The following HMCN1 variants were observed in gnomAD, a reference collection of about 807,000 sequenced individuals.
HMCN1 encodes the protein hemicentin-1.
HMCN1 carries 321 observed loss-of-function variants against 625.9 expected under a neutral mutation model. That is an observed-to-expected ratio of 0.51 (90% confidence interval 0.47 to 0.56). The LOEUF (loss-of-function observed/expected upper bound fraction) is 0.56. Among genes scored for constraint, HMCN1 ranks in the 20% least tolerant of loss-of-function variants. The pLI, the probability that HMCN1 is intolerant of heterozygous loss-of-function variation, is 0.00. For missense variants in HMCN1, 6,588 were observed against 6,887.3 expected (o/e 0.96, Z 1.54); for synonymous variants, 2,425 against 2,417.6 (o/e 1.00, Z -0.09).
At chr1:186,062,430 C>T in intron 47 of HMCN1, 84 bp from the exon 48 acceptor site, 1 of 812,330 alleles carries the variant, frequency 1.2e-6, no homozygotes, top group Non-Finnish European at 2.1e-6. Context: ...AAGGTTATAG[C>T]TTAATAAAAC....
chr1:185,816,452 C>T (rs1158452780), intron 1 of HMCN1, among the ~76,000 whole-genome samples: 1 of 152,072 alleles, frequency 6.6e-6, no homozygotes, highest in African/African-American at 2.4e-5. Flanking sequence ...TTGTGATTTC[C>T]CAATGTATAT....
chr1:185,882,511 T>C lies in HMCN1; in HGVS notation c.621+16648T>C, dbSNP rs114215224. On this transcript the variant is annotated intron_variant, in intron 4 of 106. Transcript: ENST00000271588. ...ACCATTTGATTTGACAAAAGTATCC[T>C]GTTTTTTTAAAAAAGTTTGAAAAAC... Among the ~76,000 whole-genome samples, 642 of 152,202 alleles carry C rather than the reference T, an allele frequency of 4.2e-3. 5 individuals carry two copies. Among genetic ancestry groups the C allele is most frequent in the African/African-American group, 0.015 (610 of 41,560 alleles).
intron 15 of HMCN1, among the ~76,000 whole-genome samples, chr1:185,970,860 A>T (rs919592858): frequency 6.6e-6 from 1 of 151,806 alleles, no homozygotes. Context: ...GGGTTTCACC[A>T]TGTTGGCCAG....
chr1:185,982,889 TAATAA>T (rs1651750369), intron 18 of HMCN1, among the ~76,000 whole-genome samples: 1 of 152,292 alleles, frequency 6.6e-6, no homozygotes, highest in South Asian at 2.1e-4. Context: ...ATTTTGGCAT[TAATAA>T]AATGGAGAAA....
At chr1:185,959,014 G>T (rs907517754) in intron 11 of HMCN1, among the ~76,000 whole-genome samples, 1 of 152,168 alleles carries the variant, frequency 6.6e-6, no homozygotes, top group African/African-American at 2.4e-5. Context: ...AAGGCATAAA[G>T]TGTCTGAAAC....
At chr1:186,067,789 CA>C in intron 49 of HMCN1, 44 bp from the exon 50 acceptor site, 3 of 1,352,564 alleles carry the variant, frequency 2.2e-6, no homozygotes, top group Non-Finnish European at 3.2e-6. Context: ...CACAAATATA[CA>C]AATTTCTACA....
intron 18 of HMCN1, among the ~76,000 whole-genome samples, chr1:185,983,224 T>A (rs886499948): frequency 6.6e-6 from 1 of 152,144 alleles, no homozygotes; most frequent in African/African-American, 2.4e-5. Context: ...ATGAAATTTT[T>A]TCTGTAAATA....
chr1:185,830,458 T>G (rs2102287852), intron 1 of HMCN1, among the ~76,000 whole-genome samples: 1 of 152,214 alleles, frequency 6.6e-6, no homozygotes, highest in East Asian at 1.9e-4. Flanking sequence ...ATTTCAGTTT[T>G]CTGCATATGG....
Position 186,061,978 on chromosome 1 carries a change from T to C in HMCN1, c.7426+14T>C. ...TTTCAGTATTAGGTACTTATATAGTTTGCAATATCTAGAAGAAACTTAAAT... is the reference window on the plus strand; with the variant it reads ...TTTCAGTATTAGGTACTTATATAGTCTGCAATATCTAGAAGAAACTTAAAT... On this transcript the variant is annotated intron_variant, in intron 47 of 106. Coordinates refer to ENST00000271588, the MANE Select transcript of HMCN1 (RefSeq NM_031935.3). 6.7e-7 allele frequency: 1 copy of C among 1,499,202 alleles called. No individual in the cohort carries two copies. Among genetic ancestry groups the C allele is most frequent in the South Asian group, 1.1e-5 (1 of 88,036 alleles). The allele number at this position is 1,499,202 out of a possible 1,614,324, so 92.9% of individuals were successfully genotyped here. A position where few individuals can be genotyped will look rare whatever the true frequency, so the allele number is the denominator to read the frequency against.
rs753104061 is a variant in HMCN1 at position 186,171,996 on chromosome 1, T to C, written c.15689-10T>C. 1.2e-5 allele frequency: 20 copies of C among 1,612,790 alleles called. No individual in the cohort carries two copies. Among genetic ancestry groups the C allele is most frequent in the Middle Eastern group, 1.6e-4 (1 of 6,080 alleles). On this transcript the variant is annotated splice_polypyrimidine_tract_variant and intron_variant, in intron 101 of 106. Coordinates refer to ENST00000271588, the MANE Select transcript of HMCN1 (RefSeq NM_031935.3). ...TTCTTAATCTACATTACCTTTGTTCTTTTATCAAGATGTGAACGAGTGTAG... is the reference window on the plus strand; with the variant it reads ...TTCTTAATCTACATTACCTTTGTTCCTTTATCAAGATGTGAACGAGTGTAG...
intron 4 of HMCN1, among the ~76,000 whole-genome samples, chr1:185,893,451 T>C (rs2102417269): frequency 6.6e-6 from 1 of 152,312 alleles, no homozygotes; most frequent in Middle Eastern, 3.4e-3. Flanking sequence ...CATTTTAAAA[T>C]TTATGGTGTT....
intron 55 of HMCN1, 125 bp from the exon 56 acceptor site, chr1:186,081,082 A>G: frequency 8.6e-6 from 7 of 812,178 alleles, no homozygotes; most frequent in South Asian, 2.7e-5. Flanking sequence ...TGGGGATCAT[A>G]TAGTTTCTCC....
Position 186,178,737 on chromosome 1 carries a change from G to T in HMCN1, c.16265G>T (p.Gly5422Val), listed in dbSNP as rs764900660. The T allele has an allele frequency of 5.0e-6, 8 of 1,613,386 alleles. No homozygotes were observed. The highest frequency in any genetic ancestry group is 6.8e-6 in the Non-Finnish European group (8 of 1,179,350). The change falls in exon 104 of 107, where the codon GGC (glycine) becomes GTC (valine). Residue 5422 changes from glycine (G) to valine (V), a missense_variant. Coordinates refer to ENST00000271588, the MANE Select transcript of HMCN1 (RefSeq NM_031935.3). ...RRTIRKTCPE[G>V]SEASHDTCVD... ...ACTATTAGGAAAACTTGCCCTGAAG[G>T]CTCTGAGGCAAGCCATGACACATGT...
At chr1:186,171,213 T>C in intron 100 of HMCN1, 124 bp from the exon 101 acceptor site, 1 of 729,422 alleles carries the variant, frequency 1.4e-6, no homozygotes. Context: ...GAGTGCAATA[T>C]ATTGGATAGG....
In HMCN1 at chr1:186,074,863, T is replaced by G. The variant is rs997860023; in HGVS notation, c.8262T>G (p.Asp2754Glu). 3.1e-6 allele frequency: 5 copies of G among 1,612,884 alleles called. No homozygotes were observed. Among genetic ancestry groups the G allele is most frequent in the Non-Finnish European group, 4.2e-6 (5 of 1,179,132 alleles). The change falls in exon 53 of 107, where the codon GAT (aspartate) becomes GAG (glutamate). Residue 2754 changes from aspartate to glutamate, a missense_variant. By Grantham distance (45) the Asp-to-Glu change is conservative. Coordinates refer to ENST00000271588, the MANE Select transcript of HMCN1 (RefSeq NM_031935.3). ...TAGCATCTAACATTGCAGGTGAAGA[T>G]GAGTTGGATTTTGATGTGAATATTC... ...TCVASNIAGE[D>E]ELDFDVNIQV...
chr1:185,942,678 C>G (rs939777384), intron 11 of HMCN1, among the ~76,000 whole-genome samples: 8 of 152,116 alleles, frequency 5.3e-5, no homozygotes, highest in Admixed American at 2.6e-4. Flanking sequence ...CTCCAACTCT[C>G]TAGGCCCCAA....
rs1161124314 is a variant in HMCN1 at position 185,993,258 on chromosome 1, G to C, written c.3454G>C (p.Ala1152Pro). ...TSDSGMYLCV[A>P]TNIAGNVTQA... is the part of the protein sequence containing the mutation. ...AGATAGTGGGATGTATCTTTGTGTT[G>C]CCACAAATATTGCTGGGAATGTGAC... The change falls in exon 23 of 107, where the codon GCC (alanine) becomes CCC (proline). Residue 1152 changes from alanine (A) to proline (P), a missense_variant. By Grantham distance (27) the Ala-to-Pro change is conservative (BLOSUM62 -1). Transcript: ENST00000271588. 1.2e-6 allele frequency: 2 copies of C among 1,612,888 alleles called. No individual in the cohort carries two copies. Among genetic ancestry groups the C allele is most frequent in the Non-Finnish European group, 1.7e-6 (2 of 1,179,020 alleles).
intron 54 of HMCN1, among the ~76,000 whole-genome samples, chr1:186,077,218 A>G (rs2102364382): frequency 6.6e-6 from 1 of 152,284 alleles, no homozygotes; most frequent in African/African-American, 2.4e-5. Flanking sequence ...CAATTAAATA[A>G]AAGAGTATCC....
intron 89 of HMCN1, among the ~76,000 whole-genome samples, chr1:186,141,759 C>A (rs928399930): frequency 6.6e-6 from 1 of 152,150 alleles, no homozygotes; most frequent in African/African-American, 2.4e-5. Flanking sequence ...AATAAATTAT[C>A]TTTTATTATT....
Sources: allele counts gnomAD v4.1 joint callset (sites outside exome capture counted in the v4.1 genomes callset), GRCh38; gene constraint gnomAD v4.1.1; transcripts MANE v1.5; gene names NCBI Gene and HGNC (gene_info 2026-07-23, HGNC 2026-07-21).